NRDE2: variants seen among roughly 807,000 people sequenced by gnomAD.
NRDE2 encodes nuclear exosome regulator NRDE2.
NRDE2 carries 76 observed loss-of-function variants against 124.2 expected under a neutral mutation model. The observed-to-expected ratio is 0.61, with a 90% confidence interval of 0.51 to 0.74. NRDE2 has a LOEUF of 0.74. Among genes scored for constraint, NRDE2 ranks in the 30% least tolerant of loss-of-function variants. NRDE2 has a pLI of 0.00. For missense variants in NRDE2, 1,314 were observed against 1,417.3 expected, an observed-to-expected ratio of 0.93 and a Z score of 1.17; for synonymous variants, 489 against 528.1, an observed-to-expected ratio of 0.93 and a Z score of 1.01.
At chr14:90,321,790 A>G (rs1236050248) in intron 1 of NRDE2, among the ~76,000 whole-genome samples, 1 of 152,208 alleles carries the variant, frequency 6.6e-6, no homozygotes, top group Non-Finnish European at 1.5e-5. Context: ...AGATTTTGGA[A>G]GTCCTCTAGT....
chr14:90,306,424 C>T (rs928471512), intron 4 of NRDE2, among the ~76,000 whole-genome samples: 3 of 152,192 alleles, frequency 2.0e-5, no homozygotes, highest in African/African-American at 7.2e-5. Flanking sequence ...ATCTAGCCTC[C>T]CTCCCAATTC....
intron 11 of NRDE2, 117 bp downstream of exon 11, chr14:90,288,100 T>G: frequency 1.1e-6 from 1 of 919,498 alleles, no homozygotes; most frequent in Non-Finnish European, 1.7e-6. Context: ...ACGGCAGGTG[T>G]TCTGGGCACC....
chr14:90,314,544 G>C (rs1440871873), intron 3 of NRDE2, among the ~76,000 whole-genome samples: 1 of 152,138 alleles, frequency 6.6e-6, no homozygotes, highest in Admixed American at 6.6e-5. Flanking sequence ...TATCCTTCAA[G>C]TTCTAAAGAT....
intron 4 of NRDE2, among the ~76,000 whole-genome samples, chr14:90,311,767 T>C (rs1002962754): frequency 2.6e-5 from 4 of 151,772 alleles, no homozygotes; most frequent in South Asian, 2.1e-4. Flanking sequence ...TGATAGCTGA[T>C]GAGTTAAAAA....
At chr14:90,316,110 A>G (rs1404885302) in intron 3 of NRDE2, among the ~76,000 whole-genome samples, 2 of 152,190 alleles carry the variant, frequency 1.3e-5, no homozygotes, top group Admixed American at 6.5e-5. Context: ...GGAAAAGGAC[A>G]AATGTAACAA....
At chr14:90,297,830 A>G (rs893627989) in intron 8 of NRDE2, among the ~76,000 whole-genome samples, 1 of 151,766 alleles carries the variant, frequency 6.6e-6, no homozygotes, top group Non-Finnish European at 1.5e-5. Flanking sequence ...AATCCCAGCT[A>G]CTCAGGAGCC....
At chr14:90,295,142 G>A (rs1419952903) in intron 8 of NRDE2, among the ~76,000 whole-genome samples, 1 of 152,176 alleles carries the variant, frequency 6.6e-6, no homozygotes, top group Non-Finnish European at 1.5e-5. Flanking sequence ...CTGTACCAAT[G>A]TCAGTTCCCT....
rs779912725 is a variant in NRDE2, at chr14:90,317,995, C to A, written c.173+10G>T. 7.5e-6 allele frequency: 12 copies of A among 1,609,980 alleles called. No homozygotes were observed. In the Middle Eastern group the frequency reaches 1.7e-3, roughly 222 times the overall value. On this transcript the variant is annotated intron_variant, in intron 2 of 13. Coordinates refer to ENST00000354366, the MANE Select transcript of NRDE2 (RefSeq NM_017970.4). The stretch of plus-strand genomic sequence containing the variant: ...CAAAAACGAAAACACATCTGTCAAA[C>A]AAAAACTACCTTGTCAGCGGTAACC...
intron 11 of NRDE2, among the ~76,000 whole-genome samples, 191 bp downstream of exon 11, chr14:90,288,026 G>C (rs1189806161): frequency 6.6e-6 from 1 of 152,184 alleles, no homozygotes; most frequent in African/African-American, 2.4e-5. Flanking sequence ...CCCCTCCTGA[G>C]AGGCGCCGCT....
At chr14:90,286,879 T>G (rs530648398) in intron 11 of NRDE2, among the ~76,000 whole-genome samples, 2 of 151,834 alleles carry the variant, frequency 1.3e-5, no homozygotes, top group African/African-American at 4.8e-5. Context: ...AAACCTTGTC[T>G]CTACTAAAAA....
chr14:90,329,698 T>A (rs1224131861), intron 1 of NRDE2, among the ~76,000 whole-genome samples: 1 of 148,072 alleles, frequency 6.8e-6, no homozygotes, highest in Non-Finnish European at 1.5e-5. Flanking sequence ...ATTAGCCAGG[T>A]GTGGTGGTGC....
chr14:90,320,501 A>C (rs1885204267), intron 1 of NRDE2, among the ~76,000 whole-genome samples: 1 of 152,240 alleles, frequency 6.6e-6, no homozygotes. Flanking sequence ...TTACAATTCA[A>C]GATGAGATTT....
intron 13 of NRDE2, 123 bp downstream of exon 13, chr14:90,278,939 G>T: frequency 1.4e-6 from 1 of 736,612 alleles, no homozygotes; most frequent in Non-Finnish European, 2.5e-6. Context: ...CTTGGGACAG[G>T]GTATGGCGTC....
chr14:90,298,110 T>C (rs1425088231), intron 8 of NRDE2, 150 bp downstream of exon 8: 1 of 823,904 alleles, frequency 1.2e-6, no homozygotes, highest in Non-Finnish European at 1.9e-6. Flanking sequence ...GGGGAACCCA[T>C]GACATCTACT....
rs549429578 is a variant in NRDE2, at chr14:90,325,094, G to A, written c.64+6747C>T. 7.2e-5 allele frequency among the ~76,000 whole-genome samples: 11 copies of A among 152,268 alleles called. No homozygotes were observed. The East Asian group carries it at 2.1e-3, about 29-fold the overall frequency. ...TTGGAAGGACTAAAGAATTGAATGG[G>A]TGGAAGTGGGGAGTCAAGGTACGTG... On this transcript the variant is annotated intron_variant, in intron 1 of 13. Transcript: ENST00000354366.
chr14:90,328,029 G>A (rs886559847), intron 1 of NRDE2, among the ~76,000 whole-genome samples: 4 of 152,086 alleles, frequency 2.6e-5, no homozygotes, highest in Admixed American at 2.6e-4. Context: ...TGTAGTCCCA[G>A]CTACTCGGGA....
At chr14:90,293,600 A>C (rs1892333445) in intron 8 of NRDE2, among the ~76,000 whole-genome samples, 1 of 152,162 alleles carries the variant, frequency 6.6e-6, no homozygotes, top group Non-Finnish European at 1.5e-5. Context: ...GCTAGAGGTT[A>C]CTGTATTAGA....
At position 90,301,968 on chromosome 14, in the gene NRDE2, T is replaced by C. The variant is rs528848734; in HGVS notation, c.1412-596A>G. On this transcript the variant is annotated intron_variant, in intron 6 of 13. Coordinates refer to ENST00000354366, the MANE Select transcript of NRDE2 (RefSeq NM_017970.4). ...ATGCTTATATTTTGAGAGCAATGTATTTCTATCTTTAGATGCCAACAGTAA... is the reference window on the plus strand; with the variant it reads ...ATGCTTATATTTTGAGAGCAATGTACTTCTATCTTTAGATGCCAACAGTAA... Among the ~76,000 whole-genome samples the C allele has an allele frequency of 9.8e-5, 15 of 152,360 alleles. No homozygotes were observed. The South Asian group carries it at 3.1e-3, about 32-fold the overall frequency.
chr14:90,302,030 G>A (rs1002498797), intron 6 of NRDE2, among the ~76,000 whole-genome samples: 2 of 152,156 alleles, frequency 1.3e-5, no homozygotes, highest in Non-Finnish European at 2.9e-5. Context: ...TCAAATAAAT[G>A]CCTGCTCTGT....
Sources: allele counts gnomAD v4.1 joint callset (sites outside exome capture counted in the v4.1 genomes callset), GRCh38; gene constraint gnomAD v4.1.1; transcripts MANE v1.5; gene names NCBI Gene and HGNC (gene_info 2026-07-23, HGNC 2026-07-21).